Variants in RTN1 observed in about 807,000 individuals in gnomAD.
The protein encoded by RTN1 is reticulon 1.
A neutral mutation model predicts 65.5 loss-of-function variants in RTN1; 25 were observed. The observed-to-expected ratio is 0.38, with a 90% confidence interval of 0.28 to 0.53. RTN1 has a LOEUF of 0.53. RTN1 is among the 20% of genes least tolerant of loss of function. RTN1 has a pLI of 0.79. For missense variants in RTN1, 983 were observed against 1,025.4 expected (o/e 0.96, Z 0.57); for synonymous variants, 471 against 447.6 (o/e 1.05, Z -0.66).
At chr14:59,757,300 C>G (rs1885659229) in intron 1 of RTN1, among the ~76,000 whole-genome samples, 1 of 152,088 alleles carries the variant, frequency 6.6e-6, no homozygotes, top group African/African-American at 2.4e-5. Context: ...TGGGAGGGAT[C>G]TGGTAGGAGA....
intron 3 of RTN1, among the ~76,000 whole-genome samples, chr14:59,628,633 G>T (rs1399800063): frequency 6.6e-6 from 1 of 152,176 alleles, no homozygotes; most frequent in Non-Finnish European, 1.5e-5. Flanking sequence ...GAGTATAAAA[G>T]ATTCTCAATG....
intron 4 of RTN1, 103 bp from the exon 5 acceptor site, chr14:59,605,609 T>C: frequency 1.6e-6 from 2 of 1,277,934 alleles, no homozygotes; most frequent in Non-Finnish European, 2.2e-6. Context: ...ACTCTGAGGG[T>C]GAGAGCAGGA....
intron 1 of RTN1, among the ~76,000 whole-genome samples, chr14:59,763,531 C>CT (rs567181046): frequency 0.017 from 2,222 of 127,368 alleles, 33 homozygotes; most frequent in East Asian, 0.03. Context: ...AATTTTCTTT[C>CT]TTTTTTTTTT....
chr14:59,802,758 T>C (rs576062938), intron 1 of RTN1, among the ~76,000 whole-genome samples: 2 of 152,336 alleles, frequency 1.3e-5, no homozygotes, highest in Admixed American at 6.5e-5. Flanking sequence ...GATCTCTGAC[T>C]ATAACCTAAA....
intron 1 of RTN1, among the ~76,000 whole-genome samples, chr14:59,844,266 G>T (rs995223486): frequency 6.6e-6 from 1 of 152,230 alleles, no homozygotes; most frequent in African/African-American, 2.4e-5. Flanking sequence ...CCTTAAAGAG[G>T]TGATTGCCCT....
At chr14:59,659,390 C>T (rs1375771785) in intron 3 of RTN1, among the ~76,000 whole-genome samples, 1 of 152,074 alleles carries the variant, frequency 6.6e-6, no homozygotes, top group Admixed American at 6.6e-5. Context: ...CCACAGAGAA[C>T]ACCACAAAGA....
intron 3 of RTN1, among the ~76,000 whole-genome samples, chr14:59,721,661 G>A (rs1317463049): frequency 6.6e-6 from 1 of 152,100 alleles, no homozygotes. Flanking sequence ...TCTCAATCTG[G>A]GTCACTGGTT....
chr14:59,818,068 A>T (rs779745836), intron 1 of RTN1, among the ~76,000 whole-genome samples: 10 of 152,074 alleles, frequency 6.6e-5, no homozygotes, highest in Non-Finnish European at 1.3e-4. Flanking sequence ...TGTTGTTCCC[A>T]TCTTTGTGTC....
intron 3 of RTN1, among the ~76,000 whole-genome samples, chr14:59,620,054 G>A (rs1882213294): frequency 6.7e-6 from 1 of 150,286 alleles, no homozygotes; most frequent in African/African-American, 2.5e-5. Flanking sequence ...GGAAGGGAGG[G>A]GTGAAGATTT....
At chr14:59,765,339 C>T (rs1419793389) in intron 1 of RTN1, among the ~76,000 whole-genome samples, 1 of 152,130 alleles carries the variant, frequency 6.6e-6, no homozygotes, top group South Asian at 2.1e-4. Context: ...TTTCTCAGAC[C>T]TGAAGAGATT....
intron 1 of RTN1, among the ~76,000 whole-genome samples, chr14:59,772,644 G>A (rs1049966632): frequency 6.6e-6 from 1 of 151,932 alleles, no homozygotes; most frequent in Admixed American, 6.6e-5. Flanking sequence ...TGTCTTTTAG[G>A]GTACTGCTTT....
At position 59,658,432 on chromosome 14, in the gene RTN1, C is replaced by G. The variant is rs553317281; in HGVS notation, c.1766-50940G>C. On this transcript the variant is annotated intron_variant, in intron 3 of 8. Transcript: ENST00000267484. ...AAGTGGGTCCCTGACCCCTGTGTCT[C>G]CTGAATGGGAGACACCTCCAGCAGG... 4.6e-5 allele frequency among the ~76,000 whole-genome samples: 7 copies of G among 152,350 alleles called. No individual in the cohort carries two copies. In the East Asian group the frequency reaches 1.4e-3, roughly 29 times the overall value.
chr14:59,847,671 C>T (rs1479887145), intron 1 of RTN1, among the ~76,000 whole-genome samples: 4 of 152,218 alleles, frequency 2.6e-5, no homozygotes, highest in Non-Finnish European at 5.9e-5. Flanking sequence ...ATACAAAGAA[C>T]ATTTGAAGTG....
chr14:59,861,484 T>C (rs1272998707), intron 1 of RTN1, among the ~76,000 whole-genome samples: 1 of 152,196 alleles, frequency 6.6e-6, no homozygotes, highest in African/African-American at 2.4e-5. Context: ...CAAGTAATAA[T>C]GTAACAATAA....
At chr14:59,730,165 G>T (rs1289586005) in intron 2 of RTN1, among the ~76,000 whole-genome samples, 1 of 152,094 alleles carries the variant, frequency 6.6e-6, no homozygotes, top group African/African-American at 2.4e-5. Flanking sequence ...ATAACTACAT[G>T]GTTAGAAATT....
intron 3 of RTN1, among the ~76,000 whole-genome samples, chr14:59,662,990 G>A (rs764576516): frequency 2.0e-5 from 3 of 152,238 alleles, no homozygotes; most frequent in Middle Eastern, 3.4e-3. Context: ...CAAAGCTGGA[G>A]GCATCATGCT....
rs747919078 is a variant in RTN1 at position 59,630,401 on chromosome 14, T to C, written c.1766-22909A>G. On this transcript the variant is annotated intron_variant, in intron 3 of 8. Coordinates refer to ENST00000267484, the MANE Select transcript of RTN1 (RefSeq NM_021136.3). ...ACAATGGACGAGTCCAGGTCCCGGGTTTCCCGTGCGCCTCAGGCATGCACT... is the reference window on the plus strand; with the variant it reads ...ACAATGGACGAGTCCAGGTCCCGGGCTTCCCGTGCGCCTCAGGCATGCACT... 6 of 1,605,988 alleles carry C rather than the reference T, an allele frequency of 3.7e-6. No individual in the cohort carries two copies. In the East Asian group the frequency reaches 1.4e-4, roughly 36 times the overall value.
At position 59,829,308 on chromosome 14, in the gene RTN1, G is replaced by C. The variant is rs1384465081; in HGVS notation, c.241+41082C>G. 6.6e-6 allele frequency among the ~76,000 whole-genome samples: 1 copy of C among 152,146 alleles called. No individual in the cohort carries two copies. The highest frequency in any genetic ancestry group is 1.5e-5 in the Non-Finnish European group (1 of 68,032). On this transcript the variant is annotated intron_variant, in intron 1 of 8. Transcript: ENST00000267484. This position sits in a 1 kb window ranked among gnomAD's most constrained non-coding sequence, Gnocchi z 4.3. ...GGGAAAAACATGCTGTTGCACAAAA[G>C]TGGGGGGAATCAAAATGTGATGGGT...
At chr14:59,863,541 C>CA (rs1260744118) in intron 1 of RTN1, among the ~76,000 whole-genome samples, 3 of 152,148 alleles carry the variant, frequency 2.0e-5, no homozygotes, top group African/African-American at 7.2e-5. Flanking sequence ...CACTTTTACT[C>CA]AGTTTTCTTT....
Sources: gnomAD v4.1 joint callset for allele counts (sites outside exome capture counted in the v4.1 genomes callset) on GRCh38, gnomAD v4.1.1 for gene constraint, Gnocchi (gnomAD v3.1) non-coding constraint, MANE v1.5 for transcripts, NCBI Gene and HGNC (gene_info 2026-07-23, HGNC 2026-07-21) for gene names.